The following DRC4 variants were observed in gnomAD, a reference collection of about 807,000 sequenced individuals.
The protein encoded by DRC4 is GAS-11.
chr16:90,031,061 G>A, the DRC4 span: 105 of 878,996 alleles, frequency 1.2e-4, no homozygotes, highest in Non-Finnish European at 1.6e-4. Context: ...AGGAATGGAT[G>A]AAAGGATCTA....
chr16:90,036,853 T>G, the DRC4 span: 1 of 610,510 alleles, frequency 1.6e-6, no homozygotes, highest in Non-Finnish European at 3.0e-6. Flanking sequence ...TTGTAAAAGC[T>G]CAGATGGAAC....
chr16:90,035,357 G>A, the DRC4 span, among the ~76,000 whole-genome samples: 3 of 152,210 alleles, frequency 2.0e-5, no homozygotes, highest in Non-Finnish European at 4.4e-5. Flanking sequence ...GCAGCAGGTT[G>A]GAAGCTACAC....
chr16:90,042,045 C>G, the DRC4 span, among the ~76,000 whole-genome samples: 2 of 152,018 alleles, frequency 1.3e-5, no homozygotes, highest in Non-Finnish European at 2.9e-5. Context: ...TCAAGCAATT[C>G]TCATGCCTCA....
the DRC4 span, among the ~76,000 whole-genome samples, chr16:90,034,570 C>T: frequency 2.2e-4 from 33 of 151,748 alleles, no homozygotes; most frequent in Non-Finnish European, 4.0e-4. Flanking sequence ...TGCGGTGAGC[C>T]GAGATTGTGC....
chr16:90,042,965 G>C, the DRC4 span: 1 of 546,724 alleles, frequency 1.8e-6, no homozygotes, highest in Non-Finnish European at 3.2e-6. Context: ...CTCTGCCTCC[G>C]TCTCGTCATT....
At chr16:90,033,054 A>G in the DRC4 span, 1 of 954,628 alleles carries the variant, frequency 1.0e-6, no homozygotes, top group East Asian at 2.6e-5. Flanking sequence ...GCATTTTTGC[A>G]ATTTGTTGAA....
the DRC4 span, chr16:90,029,748 G>T: frequency 5.3e-6 from 1 of 189,644 alleles, no homozygotes; most frequent in South Asian, 1.2e-4. Context: ...TAAGTGGCCT[G>T]GGGCTGTGCC....
At chr16:90,040,234 C>T in the DRC4 span, 1 of 1,464,074 alleles carries the variant, frequency 6.8e-7, no homozygotes, top group Admixed American at 2.0e-5. Context: ...TGGGAGGCAG[C>T]ATCTTCCCAG....
chr16:90,035,815 G>T, the DRC4 span: 1 of 1,590,446 alleles, frequency 6.3e-7, no homozygotes, highest in Non-Finnish European at 8.6e-7. Flanking sequence ...GCATGCAAGA[G>T]AAAGAACATG....
At chr16:90,033,034 A>ATGC in the DRC4 span, 1 of 1,072,754 alleles carries the variant, frequency 9.3e-7, no homozygotes, top group Non-Finnish European at 1.3e-6. Context: ...ATTTCTGCAT[A>ATGC]AGACTTTCTG....
the DRC4 span, chr16:90,044,002 G>C: frequency 2.3e-6 from 1 of 425,718 alleles, no homozygotes. Flanking sequence ...GAGATGGAGA[G>C]GCCAGGAGAG....
the DRC4 span, chr16:90,037,885 G>T: frequency 3.2e-6 from 5 of 1,576,010 alleles, no homozygotes; most frequent in African/African-American, 6.7e-5. Context: ...GTTGGCGGTG[G>T]GTGTTAGAGC....
the DRC4 span, among the ~76,000 whole-genome samples, chr16:90,032,034 GAGGTGTAGTAC>G: frequency 6.6e-6 from 1 of 152,080 alleles, no homozygotes; most frequent in African/African-American, 2.4e-5. Context: ...TACAGGTGAG[GAGGTGTAGTAC>G]AGGTGTAGTG....
the DRC4 span, chr16:90,044,845 T>C: frequency 4.1e-6 from 1 of 244,334 alleles, no homozygotes; most frequent in Non-Finnish European, 8.3e-6. Context: ...AGGGAAAAAG[T>C]CTCCCACAAT....
the DRC4 span, chr16:90,032,597 C>A: frequency 1.2e-6 from 1 of 827,588 alleles, no homozygotes; most frequent in Non-Finnish European, 2.0e-6. Flanking sequence ...CAGGTGTGTA[C>A]AGGTATGGAC....
At chr16:90,022,573 C>T in the DRC4 span, 3 of 915,302 alleles carry the variant, frequency 3.3e-6, no homozygotes, top group South Asian at 7.5e-5. Flanking sequence ...GGACGCACTC[C>T]CGCCTTTGGC....
At chr16:90,044,679 T>A in the DRC4 span, 1 of 462,082 alleles carries the variant, frequency 2.2e-6, no homozygotes, top group Non-Finnish European at 4.5e-6. Context: ...ACCCCAGCTT[T>A]CCTGGGTCTG....
At chr16:90,031,222 C>T in the DRC4 span, 8 of 1,596,088 alleles carry the variant, frequency 5.0e-6, no homozygotes, top group Admixed American at 6.8e-5. Context: ...TCTTCCTTGC[C>T]TTTCGCCGGC....
At chr16:90,031,357 A>C in the DRC4 span, 1 of 1,612,130 alleles carries the variant, frequency 6.2e-7, no homozygotes. Context: ...GAGGAACGAA[A>C]CTACTTCCAG....
Sources: gnomAD v4.1 joint callset for allele counts (sites outside exome capture counted in the v4.1 genomes callset) on GRCh38, gnomAD v4.1.1 for gene constraint, MANE v1.5 for transcripts, NCBI Gene and HGNC (gene_info 2026-07-23, HGNC 2026-07-21) for gene names.